SAMD9: variants seen among roughly 807,000 people sequenced by gnomAD.
SAMD9 encodes the protein sterile alpha motif domain-containing protein 9.
In SAMD9, 3 loss-of-function variants were observed where a neutral mutation model predicts 1.5. The observed-to-expected ratio is 2.05, with a 90% CI of 0.93 to 5.29. SAMD9 has a LOEUF of 5.29. Ranked by LOEUF, SAMD9 falls within the 30% of genes most tolerant of loss-of-function variation. SAMD9 has a pLI of 0.02. For synonymous variants in SAMD9, 635 were observed against 631.9 expected (o/e 1.00, Z -0.07); for missense variants, 1,597 against 1,820.8 (o/e 0.88, Z 2.24).
At chr7:93,107,403 T>C (rs1209781384) in intron 2 of SAMD9, among the ~76,000 whole-genome samples, 1 of 152,234 alleles carries the variant, frequency 6.6e-6, no homozygotes, top group Non-Finnish European at 1.5e-5. Context: ...CATAATTATT[T>C]AGTTTGCAAA....
Position 93,101,267 on chromosome 7 carries a change from TGAG to T in SAMD9, c.*58_*60del. The T allele has an allele frequency of 7.3e-7, 1 of 1,375,566 alleles. No homozygotes were observed. Among genetic ancestry groups the T allele is most frequent in the Non-Finnish European group, 1.0e-6 (1 of 972,938 alleles). The allele number at this position is 1,375,566 out of a possible 1,614,324, so 85.2% of individuals were successfully genotyped here. On this transcript the variant is annotated 3_prime_UTR_variant, in exon 3 of 3. Transcript: ENST00000379958. ...CCTTGCCGGTTTAAAGCATAGATCT[TGAG>T]TCCAAAAAAATTAAATGGGTACTGA... is the stretch of plus-strand genomic sequence containing the variant.
At chr7:93,110,826 A>G (rs1406423254) in intron 2 of SAMD9, among the ~76,000 whole-genome samples, 5 of 152,194 alleles carry the variant, frequency 3.3e-5, no homozygotes, top group Non-Finnish European at 7.3e-5. Context: ...GAGACCTACA[A>G]AGAGACTTAG....
intron 1 of SAMD9, among the ~76,000 whole-genome samples, chr7:93,115,645 A>G (rs1294164314): frequency 6.6e-6 from 1 of 152,192 alleles, no homozygotes; most frequent in African/African-American, 2.4e-5. Flanking sequence ...AAGTTTGTTC[A>G]TTGTATACAA....
In SAMD9 at chr7:93,102,061, C is replaced by T. The variant is rs1791540444; in HGVS notation, c.4037G>A (p.Gly1346Glu). 6 of 1,613,140 alleles carry T rather than the reference C, an allele frequency of 3.7e-6. No homozygotes were observed. Among genetic ancestry groups the T allele is most frequent in the Non-Finnish European group, 5.1e-6 (6 of 1,179,734 alleles). Residue 1346 changes from glycine (G) to glutamate (E), a missense_variant, in exon 3 of 3, where the codon GGG becomes GAG. By Grantham distance (98) the Gly-to-Glu change is moderately conservative. Coordinates refer to ENST00000379958, the MANE Select transcript of SAMD9 (RefSeq NM_017654.4). ...LVALKADKFS[G>E]LLEYLIKSQE... ...ACTTTTGATAAGATATTCCAAGAGC[C>T]CAGAAAACTTGTCTGCTTTTAAAGC...
At chr7:93,110,217 A>C (rs1045598047) in intron 2 of SAMD9, among the ~76,000 whole-genome samples, 2 of 152,204 alleles carry the variant, frequency 1.3e-5, no homozygotes, top group Non-Finnish European at 2.9e-5. Flanking sequence ...AAGCTTCATA[A>C]GTGAAGGAGA....
chr7:93,101,015 G>A lies in SAMD9; in HGVS notation c.*313C>T, dbSNP rs3802065. 0.015 allele frequency: 5,413 copies of A among 362,862 alleles called. 86 individuals carry two copies. The highest frequency in any genetic ancestry group is 0.085 in the East Asian group (1,396 of 16,420). 22.5% of individuals were successfully genotyped at this position (362,862 alleles called of 1,614,324 possible). A position where few individuals can be genotyped will look rare whatever the true frequency, so the allele number is the denominator to read the frequency against. ...CTTCAATCCATGCCTGGTAAGTAGT[G>A]GGGTTCTGTGTAGCCAGCTTATTAC... On this transcript the variant is annotated 3_prime_UTR_variant, in exon 3 of 3. Coordinates refer to ENST00000379958, the MANE Select transcript of SAMD9 (RefSeq NM_017654.4).
chr7:93,115,164 A>G (rs1359378595), intron 1 of SAMD9, among the ~76,000 whole-genome samples: 1 of 152,226 alleles, frequency 6.6e-6, no homozygotes, highest in Non-Finnish European at 1.5e-5. Context: ...GGAAATGCAA[A>G]GTAAAATTAC....
chr7:93,111,803 G>T (rs766732255), intron 2 of SAMD9, among the ~76,000 whole-genome samples: 15 of 152,092 alleles, frequency 9.9e-5, no homozygotes, highest in Admixed American at 5.9e-4. Context: ...TTCTGAAATT[G>T]AGGCAACAAT....
intron 1 of SAMD9, among the ~76,000 whole-genome samples, chr7:93,116,140 T>C (rs926042088): frequency 1.3e-4 from 20 of 152,158 alleles, no homozygotes; most frequent in African/African-American, 4.8e-4. Context: ...AGTACCCTTT[T>C]CCTAGGGTCT....
At position 93,107,987 on chromosome 7, in the gene SAMD9, A is replaced by G. The variant is rs186708848; in HGVS notation, c.-8-1882T>C. ...ATCTTAAATAAAATTTTACTCAAAAAATAAAAAACTGCAATGGTATCCATA... is the reference window on the plus strand; with the variant it reads ...ATCTTAAATAAAATTTTACTCAAAAGATAAAAAACTGCAATGGTATCCATA... On this transcript the variant is annotated intron_variant, in intron 2 of 2. Transcript: ENST00000379958. Among the ~76,000 whole-genome samples, 380 of 152,374 alleles carry G rather than the reference A, an allele frequency of 2.5e-3. 2 individuals are homozygous for G. The highest frequency in any genetic ancestry group is 8.5e-3 in the African/African-American group (352 of 41,578).
In SAMD9 at chr7:93,102,122, G is replaced by A. The variant is rs1400144334; in HGVS notation, c.3976C>T (p.Pro1326Ser). Residue 1326 changes from proline (P) to serine (S), a missense_variant, in exon 3 of 3, where the codon CCA (proline) becomes TCA (serine). By Grantham distance (74) the Pro-to-Ser change is moderately conservative. Coordinates refer to ENST00000379958, the MANE Select transcript of SAMD9 (RefSeq NM_017654.4). The part of the protein sequence containing the change: ...NTGLGSKFSE[P>S]LQVERCRRNL... The stretch of plus-strand genomic sequence containing the variant: ...CTCCTGCATCTCTCTACTTGAAGTG[G>A]CTCACTGAACTTTGATCCAAGACCT... The A allele has an allele frequency of 1.9e-6, 3 of 1,613,062 alleles. No homozygotes were observed. The highest frequency in any genetic ancestry group is 1.3e-5 in the African/African-American group (1 of 74,850).
chr7:93,115,956 G>T (rs757545915), intron 1 of SAMD9, among the ~76,000 whole-genome samples: 3 of 152,094 alleles, frequency 2.0e-5, no homozygotes, highest in Non-Finnish European at 4.4e-5. Flanking sequence ...TCACTTTCTT[G>T]TATCCATTTA....
Position 93,102,369 on chromosome 7 carries a change from G to T in SAMD9, c.3729C>A (p.Asn1243Lys). The change falls in exon 3 of 3, where the codon AAC becomes AAA. Residue 1243 changes from asparagine to lysine, a missense_variant. Around this residue, in one of 6 missense-constraint regions of SAMD9, gnomAD observed 682 missense variants for 810.0 expected, o/e 0.84. Transcript: ENST00000379958. ...TTTTGAGGGCTAATTTATATTCATT[G>T]TTTGGATCCCCTGGAATATCACTAC... ...SGSSDIPGDPNNEYKLALKNY... is the reference protein window; with the variant it reads ...SGSSDIPGDPKNEYKLALKNY... 6.2e-7 allele frequency: 1 copy of T among 1,608,574 alleles called. No individual in the cohort carries two copies. The highest frequency in any genetic ancestry group is 1.3e-5 in the African/African-American group (1 of 74,780).
Position 93,104,792 on chromosome 7 carries a change from A to G in SAMD9, c.1306T>C (p.Trp436Arg), listed in dbSNP as rs745449703. The G allele has an allele frequency of 1.2e-6, 2 of 1,613,578 alleles. No individual in the cohort carries two copies. Among genetic ancestry groups the G allele is most frequent in the African/African-American group, 2.7e-5 (2 of 74,922 alleles). Reference sequence around the variant, plus strand: ...GGATCAAACTCCAATACAGCAAACCATTTAATTTCCTTCAGGAAATCTAAG... The same window carrying G: ...GGATCAAACTCCAATACAGCAAACCGTTTAATTTCCTTCAGGAAATCTAAG... ...KHLDFLKEIKWFAVLEFDPES... is the reference protein window; with the variant it reads ...KHLDFLKEIKRFAVLEFDPES... Residue 436 changes from tryptophan (W) to arginine (R), a missense_variant, in exon 3 of 3, where the codon TGG (tryptophan) becomes CGG (arginine). Coordinates refer to ENST00000379958, the MANE Select transcript of SAMD9 (RefSeq NM_017654.4).
Position 93,103,308 on chromosome 7 carries a change from A to G in SAMD9, c.2790T>C (p.Asp930=), listed in dbSNP as rs1473322361. 2 of 1,613,680 alleles carry G rather than the reference A, an allele frequency of 1.2e-6. No individual in the cohort carries two copies. Among genetic ancestry groups the G allele is most frequent in the Non-Finnish European group, 1.7e-6 (2 of 1,179,728 alleles). ...FLALLNSYVP[D]TTISLSQCEK... ...CACACTGTGATAGTGAAATGGTGGTATCAGGCACATATGAATTAAGAAGAG... is the reference window on the plus strand; with the variant it reads ...CACACTGTGATAGTGAAATGGTGGTGTCAGGCACATATGAATTAAGAAGAG... Residue 930 remains aspartate (D), a synonymous_variant, in exon 3 of 3, where the codon GAT becomes GAC. Transcript: ENST00000379958.
chr7:93,109,569 G>A (rs1490941457), intron 2 of SAMD9, among the ~76,000 whole-genome samples: 1 of 152,200 alleles, frequency 6.6e-6, no homozygotes, highest in Non-Finnish European at 1.5e-5. Context: ...CAAAAGATTA[G>A]ATGAATGGCT....
At chr7:93,113,374 C>T (rs1791778150) in intron 2 of SAMD9, among the ~76,000 whole-genome samples, 1 of 152,144 alleles carries the variant, frequency 6.6e-6, no homozygotes, top group Non-Finnish European at 1.5e-5. Flanking sequence ...TAGGCAATAC[C>T]ATTCAGGACA....
At position 93,102,085 on chromosome 7, in the gene SAMD9, G is replaced by C. The variant is rs771288483; in HGVS notation, c.4013C>G (p.Ala1338Gly). Reference protein sequence around the residue: ...QVERCRRNLVALKADKFSGLL... With the variant: ...QVERCRRNLVGLKADKFSGLL... ...CCCAGAAAACTTGTCTGCTTTTAAA[G>C]CTACTAGGTTTCTCCTGCATCTCTC... Residue 1338 changes from alanine to glycine, a missense_variant, in exon 3 of 3, where the codon GCT becomes GGT. By Grantham distance (60) the Ala-to-Gly change is moderately conservative. Around this residue, in one of 6 missense-constraint regions of SAMD9, gnomAD observed 682 missense variants for 810.0 expected, o/e 0.84. Coordinates refer to ENST00000379958, the MANE Select transcript of SAMD9 (RefSeq NM_017654.4). 6.2e-7 allele frequency: 1 copy of C among 1,613,184 alleles called. No homozygotes were observed. Among genetic ancestry groups the C allele is most frequent in the South Asian group, 1.1e-5 (1 of 91,074 alleles).
Position 93,104,983 on chromosome 7 carries a change from G to C in SAMD9, c.1115C>G (p.Ser372Cys). Residue 372 changes from serine (S) to cysteine (C), a missense_variant, in exon 3 of 3, where the codon TCC (serine) becomes TGC (cysteine). Around this residue, in one of 6 missense-constraint regions of SAMD9, gnomAD observed 498 missense variants for 457.4 expected, o/e 1.09. Coordinates refer to ENST00000379958, the MANE Select transcript of SAMD9 (RefSeq NM_017654.4). Reference protein sequence around the residue: ...FKADFKTLAESRKAAEEKFRA... With the variant: ...FKADFKTLAECRKAAEEKFRA... Reference sequence around the variant, plus strand: ...GAATTTTTCTTCTGCTGCTTTTCTGGACTCTGCCAGTGTTTTAAAATCTGC... The same window carrying C: ...GAATTTTTCTTCTGCTGCTTTTCTGCACTCTGCCAGTGTTTTAAAATCTGC... 6.2e-7 allele frequency: 1 copy of C among 1,612,582 alleles called. No individual in the cohort carries two copies. The highest frequency in any genetic ancestry group is 8.5e-7 in the Non-Finnish European group (1 of 1,179,700).
Sources: gnomAD v4.1 joint callset for allele counts (sites outside exome capture counted in the v4.1 genomes callset) on GRCh38, gnomAD v4.1.1 for gene constraint, gnomAD v4.1.1 regional missense constraint, MANE v1.5 for transcripts, NCBI Gene and HGNC (gene_info 2026-07-23, HGNC 2026-07-21) for gene names.